Variants in COL12A1 observed in about 807,000 individuals in gnomAD.
The protein encoded by COL12A1 is collagen alpha-1(XII) chain.
Under a neutral mutation model 349.7 loss-of-function variants are expected in COL12A1, and 114 were observed. The ratio of observed to expected loss-of-function variants is 0.33; its 90% confidence interval spans 0.28 to 0.38. COL12A1 has a LOEUF of 0.38. Among genes scored for constraint, COL12A1 ranks in the 10% least tolerant of loss-of-function variants. The pLI is 1.00. For missense variants in COL12A1, 3,284 were observed against 3,756.9 expected, an observed-to-expected ratio of 0.87 and a Z score of 3.29; for synonymous variants, 1,369 against 1,329.0, an observed-to-expected ratio of 1.03 and a Z score of -0.66.
At chr6:75,139,404 T>C (rs975414628) in intron 27 of COL12A1, among the ~76,000 whole-genome samples, 1 of 152,208 alleles carries the variant, frequency 6.6e-6, no homozygotes, top group African/African-American at 2.4e-5. Flanking sequence ...TATGCTAATA[T>C]ATTATACATT....
In COL12A1 at chr6:75,086,524, G is replaced by A. The variant is rs748415252; in HGVS notation, c.*23C>T. The A allele has an allele frequency of 6.2e-7, 1 of 1,605,562 alleles. No individual in the cohort carries two copies. On this transcript the variant is annotated 3_prime_UTR_variant, in exon 66 of 66. Coordinates refer to ENST00000322507, the MANE Select transcript of COL12A1 (RefSeq NM_004370.6). ...TTTTCATGTATTCAAACTGTAAGCAGCACTGGCGACTTAGAAAATGTGTTA... is the reference window on the plus strand; with the variant it reads ...TTTTCATGTATTCAAACTGTAAGCAACACTGGCGACTTAGAAAATGTGTTA...
intron 12 of COL12A1, 109 bp from the exon 13 acceptor site, chr6:75,175,419 G>C: frequency 7.9e-7 from 1 of 1,272,730 alleles, no homozygotes; most frequent in Non-Finnish European, 1.1e-6. Flanking sequence ...GTTATATCCT[G>C]GGTGAGACTA....
intron 2 of COL12A1, 144 bp from the exon 3 acceptor site, chr6:75,195,091 G>T: frequency 1.9e-6 from 1 of 523,938 alleles, no homozygotes; most frequent in Non-Finnish European, 3.3e-6. Context: ...ATATGTTGTT[G>T]GATAAGAATA....
Position 75,119,429 on chromosome 6 carries a change from C to T in COL12A1, c.7131G>A (p.Lys2377=), listed in dbSNP as rs1344927209. Reference sequence around the variant, plus strand: ...GGGCCTTGTCATTGTACGTGTTCAGCTTGAACTCAGACTTGACCTCATCGC... The same window carrying T: ...GGGCCTTGTCATTGTACGTGTTCAGTTTGAACTCAGACTTGACCTCATCGC... ...QYSDEVKSEF[K]LNTYNDKALA... The change falls in exon 45 of 66, where the codon AAG becomes AAA. Residue 2377 remains lysine, a synonymous_variant. Transcript: ENST00000322507. 2.5e-6 allele frequency: 4 copies of T among 1,613,784 alleles called. No homozygotes were observed. In the African/African-American group the frequency reaches 4.0e-5, roughly 16 times the overall value.
intron 30 of COL12A1, among the ~76,000 whole-genome samples, chr6:75,137,928 C>G (rs929829609): frequency 6.6e-6 from 1 of 151,882 alleles, no homozygotes; most frequent in African/African-American, 2.4e-5. Context: ...TTCTCTCTCT[C>G]TCTCCTCCAC....
intron 20 of COL12A1, 147 bp from the exon 21 acceptor site, chr6:75,151,434 A>G: frequency 1.5e-6 from 1 of 660,810 alleles, no homozygotes; most frequent in Non-Finnish European, 2.5e-6. Flanking sequence ...CATACATATT[A>G]TTTTTCTCAA....
chr6:75,101,198 T>C (rs1768286990), intron 58 of COL12A1, among the ~76,000 whole-genome samples: 1 of 152,198 alleles, frequency 6.6e-6, no homozygotes, highest in South Asian at 2.1e-4. Flanking sequence ...CTTGAGTTTG[T>C]AGAAAGTGCT....
intron 11 of COL12A1, 76 bp downstream of exon 11, chr6:75,180,863 G>A: frequency 1.3e-6 from 2 of 1,513,096 alleles, no homozygotes; most frequent in African/African-American, 1.4e-5. Context: ...AAAGCAGATG[G>A]TTATTACAAA....
At chr6:75,113,500 A>G (rs1280576104) in intron 50 of COL12A1, 102 bp downstream of exon 50, 38 of 1,116,564 alleles carry the variant, frequency 3.4e-5, no homozygotes, top group Non-Finnish European at 4.2e-5. Context: ...GTATATATCA[A>G]ATAAATATAT....
intron 43 of COL12A1, among the ~76,000 whole-genome samples, chr6:75,122,708 G>C (rs1259555594): frequency 6.6e-6 from 1 of 152,148 alleles, no homozygotes; most frequent in South Asian, 2.1e-4. Flanking sequence ...TATCTGAAAT[G>C]CTTTCTATTA....
At chr6:75,178,016 T>G in intron 11 of COL12A1, 81 bp from the exon 12 acceptor site, 1 of 1,250,284 alleles carries the variant, frequency 8.0e-7, no homozygotes, top group Non-Finnish European at 1.1e-6. Context: ...ACCTTTTTAT[T>G]ACTAAATTAT....
Position 75,184,015 on chromosome 6 carries a change from C to G in COL12A1, c.1127G>C (p.Arg376Pro). The part of the protein sequence containing the change: ...VILTPMTAGS[R>P]QHALSVGPQT... ...AGGCCCCACACTCAGAGCGTGCTGT[C>G]GGCTTCCTGCAGTCATTGGTGTGAG... Residue 376 changes from arginine to proline, a missense_variant, in exon 9 of 66, where the codon CGA (arginine) becomes CCA (proline). By Grantham distance (103) the Arg-to-Pro change is moderately radical. This residue lies in a region of COL12A1 where 2,601 missense variants were observed against 2,824.8 expected (regional missense o/e 0.92). Transcript: ENST00000322507. The G allele has an allele frequency of 6.2e-7, 1 of 1,614,144 alleles. No individual in the cohort carries two copies. Among genetic ancestry groups the G allele is most frequent in the South Asian group, 1.1e-5 (1 of 91,086 alleles).
rs945287809 is a variant in COL12A1, at chr6:75,085,594, A to G, written c.*953T>C. 1 of 318,256 alleles carries G rather than the reference A, an allele frequency of 3.1e-6. No individual in the cohort carries two copies. The highest frequency in any genetic ancestry group is 3.9e-5 in the Admixed American group (1 of 25,544). The allele number at this position is 318,256 out of a possible 1,614,324, so 19.7% of individuals were successfully genotyped here. A position where few individuals can be genotyped will look rare whatever the true frequency, so the allele number is the denominator to read the frequency against. On this transcript the variant is annotated 3_prime_UTR_variant, in exon 66 of 66. Transcript: ENST00000322507. ...CTTCAAAAATCCAGCAGTAAACACA[A>G]TCATTGCACAAATACTTGGGAAGGG...
chr6:75,183,224 C>T lies in COL12A1; in HGVS notation c.1717G>A (p.Ala573Thr), dbSNP rs755550198. ...KLRNSDVEIF[A>T]VGVKDAVRSE... ...CGAACGGCATCCTTCACACCAACTGCAAAGATTTCAACATCTGAATTCCTC... is the reference window on the plus strand; with the variant it reads ...CGAACGGCATCCTTCACACCAACTGTAAAGATTTCAACATCTGAATTCCTC... Residue 573 changes from alanine to threonine, a missense_variant, in exon 10 of 66, where the codon GCA (alanine) becomes ACA (threonine). By Grantham distance (58) the Ala-to-Thr change is moderately conservative. This residue lies in a region of COL12A1 where 2,601 missense variants were observed against 2,824.8 expected (regional missense o/e 0.92). Transcript: ENST00000322507. 12 of 1,614,066 alleles carry T rather than the reference C, an allele frequency of 7.4e-6. No homozygotes were observed. The Admixed American group carries it at 2.0e-4, about 27-fold the overall frequency.
rs190564905 is a variant in COL12A1, at chr6:75,150,809, A to G, written c.4147+332T>C. 1.1e-4 allele frequency among the ~76,000 whole-genome samples: 17 copies of G among 152,282 alleles called. 1 individual carries two copies. The highest frequency in any genetic ancestry group is 1.0e-3 in the Admixed American group (16 of 15,286). On this transcript the variant is annotated intron_variant, in intron 21 of 65. Transcript: ENST00000322507. ...ATGTTGTGTGGGGGAGGGTGCAGGT[A>G]TGCAGGATATAAACTAAATATATCC... is the stretch of plus-strand genomic sequence containing the variant.
intron 43 of COL12A1, among the ~76,000 whole-genome samples, chr6:75,122,131 G>T (rs961771686): frequency 6.6e-6 from 1 of 152,120 alleles, no homozygotes; most frequent in African/African-American, 2.4e-5. Flanking sequence ...GTGAGCCACC[G>T]CACCTGGCCA....
intron 13 of COL12A1, among the ~76,000 whole-genome samples, chr6:75,173,620 C>A (rs1768758515): frequency 6.6e-6 from 1 of 152,244 alleles, no homozygotes; most frequent in Non-Finnish European, 1.5e-5. Context: ...GGTGATCCAC[C>A]TGCCTTGGTC....
chr6:75,110,968 A>G (rs547253275), intron 51 of COL12A1, among the ~76,000 whole-genome samples: 65 of 152,098 alleles, frequency 4.3e-4, no homozygotes, highest in Admixed American at 2.9e-3. Flanking sequence ...GGTATTTTAT[A>G]CTTGCAATTT....
At chr6:75,141,888 AT>A (rs1452592041) in intron 27 of COL12A1, 143 bp downstream of exon 27, 11 of 1,018,734 alleles carry the variant, frequency 1.1e-5, no homozygotes, top group African/African-American at 4.8e-5. Flanking sequence ...TTACAAAAAA[AT>A]AAGTGAAAAA....
Sources: gnomAD v4.1 joint callset for allele counts (sites outside exome capture counted in the v4.1 genomes callset) on GRCh38, gnomAD v4.1.1 for gene constraint, gnomAD v4.1.1 regional missense constraint, MANE v1.5 for transcripts, NCBI Gene and HGNC (gene_info 2026-07-23, HGNC 2026-07-21) for gene names.